Variants in ANTXRL observed in about 807,000 individuals in gnomAD.
ANTXRL encodes anthrax toxin receptor-like.
In ANTXRL, 63 loss-of-function variants were observed where a neutral mutation model predicts 75.4. The ratio of observed to expected loss-of-function variants is 0.84; its 90% CI spans 0.68 to 1.03. The LOEUF is 1.03. ANTXRL is among the 50% of genes least tolerant of loss of function. The probability of loss-of-function intolerance (pLI) is 0.00; values close to 1 mark genes in which losing one functional copy is unlikely to be tolerated. For missense variants in ANTXRL, 797 were observed against 789.4 expected, an observed-to-expected ratio of 1.01 and a Z score of -0.12; for synonymous variants, 335 against 291.3, an observed-to-expected ratio of 1.15 and a Z score of -1.53.
At chr10:46,293,799 G>A (rs1554957598) in intron 2 of ANTXRL, 30 bp from the exon 3 acceptor site, 1 of 1,530,432 alleles carries the variant, frequency 6.5e-7, no homozygotes, top group Admixed American at 2.0e-5. Flanking sequence ...TGTGCCACTG[G>A]CTTCTCACCA....
At chr10:46,306,096 A>G (rs1363949769) in intron 10 of ANTXRL, among the ~76,000 whole-genome samples, 1 of 152,166 alleles carries the variant, frequency 6.6e-6, no homozygotes, top group Non-Finnish European at 1.5e-5. Flanking sequence ...AAGGTCAGCG[A>G]GTCACTGCCC....
chr10:46,309,407 C>A (rs1469297995), intron 13 of ANTXRL, among the ~76,000 whole-genome samples: 1 of 152,222 alleles, frequency 6.6e-6, no homozygotes, highest in Admixed American at 6.5e-5. Context: ...CCTCCTGCCC[C>A]GGGCTGGCCA....
intron 14 of ANTXRL, among the ~76,000 whole-genome samples, chr10:46,311,181 C>A (rs559471907): frequency 5.3e-5 from 8 of 152,204 alleles, no homozygotes; most frequent in African/African-American, 1.9e-4. Flanking sequence ...TGCGGTGCTG[C>A]AGAGTGGTCT....
chr10:46,315,268 C>T (rs1429710992), intron 16 of ANTXRL, among the ~76,000 whole-genome samples: 1 of 152,240 alleles, frequency 6.6e-6, no homozygotes, highest in Admixed American at 6.5e-5. Flanking sequence ...GACCTTCCTG[C>T]CTGAGCCAGG....
chr10:46,309,066 G>A (rs1156488437), intron 12 of ANTXRL, 47 bp from the exon 13 acceptor site: 7 of 1,535,142 alleles, frequency 4.6e-6, no homozygotes, highest in Non-Finnish European at 6.1e-6. Context: ...GTGGGCACGG[G>A]GAAGAGGCCA....
At chr10:46,312,691 C>T (rs1216633867) in intron 15 of ANTXRL, among the ~76,000 whole-genome samples, 24 of 148,156 alleles carry the variant, frequency 1.6e-4, no homozygotes, top group African/African-American at 5.5e-4. Context: ...CCATCCCCAC[C>T]GGAGCCCAGA....
chr10:46,326,809 C>T (rs10906948), intron 16 of ANTXRL, among the ~76,000 whole-genome samples: 35 of 151,940 alleles, frequency 2.3e-4, no homozygotes, highest in Admixed American at 2.0e-3. Context: ...CCCAAGGAAA[C>T]GTGGAGAAAA....
chr10:46,301,349 G>A (rs1251737909), intron 9 of ANTXRL, among the ~76,000 whole-genome samples: 2 of 152,216 alleles, frequency 1.3e-5, no homozygotes, highest in Admixed American at 6.5e-5. Context: ...CTCAGAACAG[G>A]GCACCAAGTT....
intron 16 of ANTXRL, among the ~76,000 whole-genome samples, 185 bp from the exon 17 acceptor site, chr10:46,329,414 C>T (rs1267468962): frequency 6.6e-6 from 1 of 152,118 alleles, no homozygotes; most frequent in Admixed American, 6.5e-5. Context: ...AACGCTGGAG[C>T]TGAGTCTGGA....
chr10:46,316,332 T>C lies in ANTXRL; in HGVS notation c.1410+3016T>C, dbSNP rs549080523. Among the ~76,000 whole-genome samples the C allele has an allele frequency of 2.3e-4, 35 of 152,142 alleles. 1 individual carries two copies. The South Asian group carries it at 6.4e-3, about 28-fold the overall frequency. Reference sequence around the variant, plus strand: ...AAGGTGGGCCAGACACTGTTGCAACTACATTCCACAAACTAATATATGCCA... The same window carrying C: ...AAGGTGGGCCAGACACTGTTGCAACCACATTCCACAAACTAATATATGCCA... On this transcript the variant is annotated intron_variant, in intron 16 of 16. Coordinates refer to ENST00000620264, the MANE Select transcript of ANTXRL (RefSeq NM_001278688.3).
At chr10:46,307,258 G>A (rs1173036381) in intron 11 of ANTXRL, 144 bp from the exon 12 acceptor site, 2 of 682,614 alleles carry the variant, frequency 2.9e-6, no homozygotes, top group Non-Finnish European at 5.2e-6. Context: ...GCCCCTCACT[G>A]TCTGACCCAC....
intron 5 of ANTXRL, among the ~76,000 whole-genome samples, chr10:46,296,480 G>A (rs1279074815): frequency 4.6e-5 from 7 of 152,196 alleles, no homozygotes; most frequent in Admixed American, 4.6e-4. Flanking sequence ...CAGTTCTGGT[G>A]CTCATAACCC....
intron 16 of ANTXRL, among the ~76,000 whole-genome samples, chr10:46,326,468 G>A (rs1251446184): frequency 2.6e-5 from 4 of 152,270 alleles, no homozygotes; most frequent in East Asian, 1.9e-4. Context: ...TCTGGTTCCC[G>A]CCATGCCTTC....
chr10:46,296,378 C>T, intron 5 of ANTXRL, 126 bp downstream of exon 5: 1 of 1,016,562 alleles, frequency 9.8e-7, no homozygotes, highest in Non-Finnish European at 1.5e-6. Flanking sequence ...AGTTGCTCAC[C>T]TGCTCTGAGC....
Position 46,329,916 on chromosome 10 carries a change from C to T in ANTXRL, c.1728C>T (p.Cys576=), listed in dbSNP as rs1839414052. 1 of 1,535,912 alleles carries T rather than the reference C, an allele frequency of 6.5e-7. No individual in the cohort carries two copies. Among genetic ancestry groups the T allele is most frequent in the Non-Finnish European group, 8.7e-7 (1 of 1,146,750 alleles). Residue 576 remains cysteine (C), a synonymous_variant, in exon 17 of 17, where the codon TGC becomes TGT. Coordinates refer to ENST00000620264, the MANE Select transcript of ANTXRL (RefSeq NM_001278688.3). ...QAQTLCNPKS[C]LQPSRECLPL... is the part of the protein sequence containing the mutation. Reference sequence around the variant, plus strand: ...AGACTCTGTGCAACCCAAAGAGCTGCCTTCAACCCAGCCGGGAGTGCCTCC... The same window carrying T: ...AGACTCTGTGCAACCCAAAGAGCTGTCTTCAACCCAGCCGGGAGTGCCTCC...
chr10:46,313,106 C>T, intron 15 of ANTXRL, 130 bp from the exon 16 acceptor site: 7 of 847,900 alleles, frequency 8.3e-6, no homozygotes, highest in Non-Finnish European at 1.3e-5. Flanking sequence ...GGCCCCTCCC[C>T]CAGAGGGGGA....
intron 9 of ANTXRL, among the ~76,000 whole-genome samples, chr10:46,301,818 G>T (rs1837761926): frequency 2.0e-5 from 3 of 152,350 alleles, no homozygotes; most frequent in Admixed American, 1.3e-4. Flanking sequence ...TTCCTTGGGT[G>T]CATGGACCGG....
chr10:46,299,969 C>T (rs1423601466), intron 9 of ANTXRL, among the ~76,000 whole-genome samples: 3 of 152,190 alleles, frequency 2.0e-5, no homozygotes, highest in Admixed American at 2.0e-4. Context: ...CTTTCTGTTC[C>T]TCCTGATTTA....
intron 15 of ANTXRL, among the ~76,000 whole-genome samples, chr10:46,312,428 C>T (rs1204705617): frequency 1.4e-5 from 2 of 147,002 alleles, no homozygotes; most frequent in East Asian, 2.0e-4. Context: ...GTAGAGAGGG[C>T]GCCTGGGTGG....
Sources: gnomAD v4.1 joint callset for allele counts (sites outside exome capture counted in the v4.1 genomes callset) on GRCh38, gnomAD v4.1.1 for gene constraint, MANE v1.5 for transcripts, NCBI Gene and HGNC (gene_info 2026-07-23, HGNC 2026-07-21) for gene names.